The following LRP1 variants were observed in gnomAD, a reference collection of about 807,000 sequenced individuals.
LRP1 encodes LDL receptor related protein 1.
LRP1 carries 51 observed loss-of-function variants against 541.5 expected under a neutral mutation model. The ratio of observed to expected loss-of-function variants is 0.09; its 90% CI spans 0.08 to 0.12. LRP1 has a LOEUF of 0.12. LRP1 is among the 10% of genes least tolerant of loss of function. The pLI, the probability that LRP1 is intolerant of heterozygous loss-of-function variation, is 1.00. For missense variants in LRP1, 3,878 were observed against 6,376.2 expected, an observed-to-expected ratio of 0.61 and a Z score of 13.34; for synonymous variants, 2,219 against 2,470.8, an observed-to-expected ratio of 0.90 and a Z score of 3.02.
intron 47 of LRP1, 92 bp downstream of exon 47, chr12:57,193,777 TGGTTCAA>T: frequency 6.2e-7 from 1 of 1,608,014 alleles, no homozygotes; most frequent in Non-Finnish European, 8.5e-7. Flanking sequence ...CCGTGGTGTC[TGGTTCAA>T]GGCACTCTGT....
chr12:57,148,985 T>C (rs780716067), intron 6 of LRP1: 3 of 651,434 alleles, frequency 4.6e-6, no homozygotes, highest in Non-Finnish European at 8.3e-6. Context: ...TTTTAGTGTG[T>C]GTGTTTTCGA....
At position 57,185,421 on chromosome 12, in the gene LRP1, C is replaced by A. The variant is rs980339877; in HGVS notation, c.6464-110C>A. The stretch of plus-strand genomic sequence containing the variant: ...TCTGGGCCCTGGAGGGTCATTCAAG[C>A]TGGGAATACCGAGGCAGAGGGCAGA... On this transcript the variant is annotated intron_variant, in intron 40 of 88. Transcript: ENST00000243077. The surrounding 1 kb of genome is among the most constrained non-coding windows in gnomAD (Gnocchi z 4.9). The A allele has an allele frequency of 3.2e-5, 45 of 1,406,300 alleles. 1 individual carries two copies. Among genetic ancestry groups the A allele is most frequent in the Non-Finnish European group, 4.2e-5 (44 of 1,056,614 alleles). The allele number at this position is 1,406,300 out of a possible 1,614,324, so 87.1% of individuals were successfully genotyped here. A position where few individuals can be genotyped will look rare whatever the true frequency, so the allele number is the denominator to read the frequency against.
Position 57,205,033 on chromosome 12 carries a change from C to T in LRP1, c.11195-76C>T, listed in dbSNP as rs1200966543. 4 of 1,531,964 alleles carry T rather than the reference C, an allele frequency of 2.6e-6. No homozygotes were observed. Among genetic ancestry groups the T allele is most frequent in the Non-Finnish European group, 3.5e-6 (4 of 1,136,772 alleles). The allele number at this position is 1,531,964 out of a possible 1,614,324, so 94.9% of individuals were successfully genotyped here. A position where few individuals can be genotyped will look rare whatever the true frequency, so the allele number is the denominator to read the frequency against. On this transcript the variant is annotated intron_variant, in intron 72 of 88. Transcript: ENST00000243077. This position sits in a 1 kb window ranked among gnomAD's most constrained non-coding sequence, Gnocchi z 4.6. Reference sequence around the variant, plus strand: ...CTTGTCACTTAGGAATTGGGAGCCACTGTTATCTATGGGGTTGCCGTGGGA... The same window carrying T: ...CTTGTCACTTAGGAATTGGGAGCCATTGTTATCTATGGGGTTGCCGTGGGA...
chr12:57,149,035 G>T, intron 6 of LRP1: 1 of 649,992 alleles, frequency 1.5e-6, no homozygotes. Flanking sequence ...GTCTAGAGGG[G>T]AGGCAAAGAA....
rs757278995 is a variant in LRP1 at position 57,195,079 on chromosome 12, C to G, written c.8286C>G (p.Gly2762=). ...ACGGCAGCGATGACTGTGGGGATGG[C>G]TCAGACGAGGCTGCTCACTGTGGTA... ...LCDGSDDCGD[G]SDEAAHCEGK... is the part of the protein sequence containing the mutation. The change falls in exon 51 of 89, where the codon GGC becomes GGG. Residue 2762 remains glycine, a synonymous_variant. Coordinates refer to ENST00000243077, the MANE Select transcript of LRP1 (RefSeq NM_002332.3). The G allele has an allele frequency of 3.1e-6, 5 of 1,613,948 alleles. No homozygotes were observed. The South Asian group carries it at 5.5e-5, about 18-fold the overall frequency.
intron 3 of LRP1, among the ~76,000 whole-genome samples, chr12:57,142,852 C>G (rs970726565): frequency 6.6e-6 from 1 of 152,188 alleles, no homozygotes; most frequent in Non-Finnish European, 1.5e-5. Flanking sequence ...CCTGGCCCCC[C>G]ATCCCAACTC....
At chr12:57,138,128 GT>G (rs1222580181) in intron 1 of LRP1, among the ~76,000 whole-genome samples, 1 of 152,166 alleles carries the variant, frequency 6.6e-6, no homozygotes, top group Non-Finnish European at 1.5e-5. Context: ...CCATCACTCT[GT>G]CATCAAAGCC....
At chr12:57,170,074 C>T (rs1267458899) in intron 20 of LRP1, among the ~76,000 whole-genome samples, 1 of 152,248 alleles carries the variant, frequency 6.6e-6, no homozygotes, top group African/African-American at 2.4e-5. Flanking sequence ...TCTCCCCAGC[C>T]TCCGCGGTTT....
intron 34 of LRP1, among the ~76,000 whole-genome samples, chr12:57,182,538 C>G (rs561770206): frequency 6.7e-6 from 1 of 149,188 alleles, no homozygotes; most frequent in Admixed American, 6.7e-5. Flanking sequence ...AAAAAAAGAG[C>G]CAGGTGCGTG....
At position 57,158,712 on chromosome 12, in the gene LRP1, T is replaced by G; in HGVS notation, c.1798+74T>G. 1.5e-6 allele frequency: 2 copies of G among 1,376,094 alleles called. No individual in the cohort carries two copies. Among genetic ancestry groups the G allele is most frequent in the South Asian group, 1.2e-5 (1 of 83,324 alleles). 85.2% of individuals were successfully genotyped at this position (1,376,094 alleles called of 1,614,324 possible). A position where few individuals can be genotyped will look rare whatever the true frequency, so the allele number is the denominator to read the frequency against. On this transcript the variant is annotated intron_variant, in intron 11 of 88. Transcript: ENST00000243077. The surrounding 1 kb of genome is among the most constrained non-coding windows in gnomAD (Gnocchi z 5.3). ...CCCAGGCATCTGTTTCTCGGTGCCC[T>G]CTCAGCAGGATGGTCCCCTGCTGAC... is the stretch of plus-strand genomic sequence containing the variant.
rs376367065 is a variant in LRP1, at chr12:57,175,962, G to A, written c.3847G>A (p.Asp1283Asn). 8.1e-6 allele frequency: 13 copies of A among 1,614,204 alleles called. No individual in the cohort carries two copies. Among genetic ancestry groups the A allele is most frequent in the East Asian group, 2.2e-5 (1 of 44,888 alleles). ...FSNRHEIRRI[D>N]LHKGDYSVLV... ...CAACCGCCATGAAATCCGGCGCATC[G>A]ATCTTCACAAAGGAGACTACAGCGT... The change falls in exon 24 of 89, where the codon GAT becomes AAT. Residue 1283 changes from aspartate (D) to asparagine (N), a missense_variant. Asp to Asn is a conservative substitution (Grantham distance 23). Transcript: ENST00000243077.
intron 4 of LRP1, 159 bp from the exon 5 acceptor site, chr12:57,144,813 T>TG: frequency 2.9e-6 from 2 of 700,882 alleles, no homozygotes; most frequent in Admixed American, 2.2e-5. Context: ...CTGGACTTGC[T>TG]GGGTGTTAAG....
rs1358313949 is a variant in LRP1 at position 57,183,746 on chromosome 12, C to T, written c.5795-29C>T. The T allele has an allele frequency of 1.2e-6, 2 of 1,612,732 alleles. No homozygotes were observed. Among genetic ancestry groups the T allele is most frequent in the Non-Finnish European group, 8.5e-7 (1 of 1,179,844 alleles). On this transcript the variant is annotated intron_variant, in intron 35 of 88. Transcript: ENST00000243077. This position sits in a 1 kb window ranked among gnomAD's most constrained non-coding sequence, Gnocchi z 6.1. ...CTCACCTTACCCCTGCCTTATTGGG[C>T]ATCCCCATGTCACCTCCTCCACCTC... is the stretch of plus-strand genomic sequence containing the variant.
At chr12:57,129,088 C>G in intron 1 of LRP1, 57 bp downstream of exon 1, 10 of 1,510,342 alleles carry the variant, frequency 6.6e-6, no homozygotes, top group Non-Finnish European at 7.2e-6. Context: ...CCCCAGCCCC[C>G]ACTCCTGCAT....
Position 57,206,820 on chromosome 12 carries a change from G to A in LRP1, c.11859+79G>A, listed in dbSNP as rs2036790473. ...TTCAGAGCAGGATTTGAAAAGGGCAGTGCTGGCTAGGCGCAGTGGCTCACG... is the reference window on the plus strand; with the variant it reads ...TTCAGAGCAGGATTTGAAAAGGGCAATGCTGGCTAGGCGCAGTGGCTCACG... On this transcript the variant is annotated intron_variant, in intron 76 of 88. Coordinates refer to ENST00000243077, the MANE Select transcript of LRP1 (RefSeq NM_002332.3). The surrounding 1 kb of genome is among the most constrained non-coding windows in gnomAD (Gnocchi z 4.7). 1 of 1,517,812 alleles carries A rather than the reference G, an allele frequency of 6.6e-7. No homozygotes were observed. Among genetic ancestry groups the A allele is most frequent in the South Asian group, 1.2e-5 (1 of 83,344 alleles). The allele number at this position is 1,517,812 out of a possible 1,614,324, so 94.0% of individuals were successfully genotyped here. A position where few individuals can be genotyped will look rare whatever the true frequency, so the allele number is the denominator to read the frequency against.
At chr12:57,148,184 G>A (rs1216093420) in intron 6 of LRP1, among the ~76,000 whole-genome samples, 3 of 146,402 alleles carry the variant, frequency 2.0e-5, no homozygotes, top group African/African-American at 7.6e-5. Flanking sequence ...AACTGTTATA[G>A]TTACGTTTTT....
At chr12:57,210,199 T>C in intron 81 of LRP1, 30 bp downstream of exon 81, 1 of 1,570,900 alleles carries the variant, frequency 6.4e-7, no homozygotes, top group Non-Finnish European at 8.6e-7. Flanking sequence ...GTCCCAGCCA[T>C]GCCTCAGGAC....
At chr12:57,155,983 A>G (rs1472921296) in intron 8 of LRP1, 111 bp from the exon 9 acceptor site, 3 of 800,014 alleles carry the variant, frequency 3.7e-6, no homozygotes, top group Non-Finnish European at 6.2e-6. Context: ...AAACTACAGG[A>G]TGAATTGGGG....
chr12:57,208,986 G>T, intron 78 of LRP1, 97 bp from the exon 79 acceptor site: 1 of 1,137,886 alleles, frequency 8.8e-7, no homozygotes, highest in South Asian at 1.3e-5. Context: ...AGTGGCGTAT[G>T]AACAGGGTGG....
Sources: allele counts gnomAD v4.1 joint callset (sites outside exome capture counted in the v4.1 genomes callset), GRCh38; gene constraint gnomAD v4.1.1; non-coding constraint Gnocchi (gnomAD v3.1); transcripts MANE v1.5; gene names NCBI Gene and HGNC (gene_info 2026-07-23, HGNC 2026-07-21).